The following OR1J2 variants were observed in gnomAD, a reference collection of about 807,000 sequenced individuals.
The protein encoded by OR1J2 is olfactory receptor family 1 subfamily J member 2, also known as olfactory receptor 1J2.
For missense variants in OR1J2, 304 were observed against 246.1 expected, an observed-to-expected ratio of 1.24 and a Z score of -1.57; for synonymous variants, 142 against 99.7, an observed-to-expected ratio of 1.42 and a Z score of -2.52.
chr9:122,503,458 C>T, the OR1J2 span, among the ~76,000 whole-genome samples: 2 of 152,170 alleles, frequency 1.3e-5, no homozygotes, highest in Admixed American at 6.5e-5. Flanking sequence ...TGGACTCATG[C>T]ATAGCCTCTA....
the OR1J2 span, among the ~76,000 whole-genome samples, chr9:122,524,663 G>A: frequency 6.6e-6 from 1 of 152,182 alleles, no homozygotes; most frequent in South Asian, 2.1e-4. Context: ...TCAGTGAGTG[G>A]ATTGAGGGTC....
the OR1J2 span, among the ~76,000 whole-genome samples, chr9:122,505,796 C>T: frequency 6.5e-4 from 99 of 151,736 alleles, no homozygotes; most frequent in African/African-American, 2.2e-3. Context: ...CTAGATTTTG[C>T]GTGTCAACTT....
chr9:122,473,033 C>G, the OR1J2 span, among the ~76,000 whole-genome samples: 3 of 152,012 alleles, frequency 2.0e-5, no homozygotes, highest in Non-Finnish European at 2.9e-5. Context: ...TTCTATATAC[C>G]CTTTCCTTAT....
the OR1J2 span, among the ~76,000 whole-genome samples, chr9:122,552,413 A>G: frequency 6.6e-6 from 1 of 152,208 alleles, no homozygotes; most frequent in African/African-American, 2.4e-5. Flanking sequence ...GTGAAGGCAC[A>G]GGTGAACTAA....
At chr9:122,481,089 C>T in the OR1J2 span, among the ~76,000 whole-genome samples, 833 of 152,242 alleles carry the variant, frequency 5.5e-3, 7 homozygotes, top group Non-Finnish European at 8.8e-3. Flanking sequence ...CCACTGCGCC[C>T]GGCCCCATCC....
At chr9:122,540,640 C>A in the OR1J2 span, among the ~76,000 whole-genome samples, 1 of 152,070 alleles carries the variant, frequency 6.6e-6, no homozygotes, top group African/African-American at 2.4e-5. Context: ...TAGTTTTTTC[C>A]AATTCTGTGC....
At chr9:122,561,649 A>G in the OR1J2 span, among the ~76,000 whole-genome samples, 88,276 of 151,600 alleles carry the variant, frequency 0.58, 26,176 homozygotes, top group East Asian at 0.97. Context: ...CATCTGGTTC[A>G]CTCCTGCACC....
At chr9:122,573,130 C>T in the OR1J2 span, among the ~76,000 whole-genome samples, 2 of 152,188 alleles carry the variant, frequency 1.3e-5, no homozygotes, top group Non-Finnish European at 2.9e-5. Context: ...GAGTTCTGCC[C>T]TCCTGGCCTC....
chr9:122,452,194 G>A, the OR1J2 span, among the ~76,000 whole-genome samples: 3 of 151,994 alleles, frequency 2.0e-5, no homozygotes, highest in Admixed American at 2.0e-4. Flanking sequence ...ATAAGTATTA[G>A]AGTAACTCAG....
chr9:122,493,187 G>C, the OR1J2 span, among the ~76,000 whole-genome samples: 347 of 152,086 alleles, frequency 2.3e-3, no homozygotes, highest in African/African-American at 8.0e-3. Flanking sequence ...TCTTTCCCTG[G>C]TTTTGGTATT....
the OR1J2 span, among the ~76,000 whole-genome samples, chr9:122,569,764 T>G: frequency 3.3e-5 from 5 of 152,194 alleles, no homozygotes; most frequent in African/African-American, 7.2e-5. Context: ...GTGCCATGCT[T>G]GTGTGCTGCA....
At chr9:122,519,826 C>T in the OR1J2 span, 4 of 1,614,112 alleles carry the variant, frequency 2.5e-6, no homozygotes, top group Admixed American at 3.3e-5. Context: ...CTCAAGGCTC[C>T]ATCTACTAAG....
chr9:122,553,435 G>A, the OR1J2 span: 1 of 1,614,046 alleles, frequency 6.2e-7, no homozygotes, highest in South Asian at 1.1e-5. Flanking sequence ...ACTGATGCCT[G>A]TTTCACTTCT....
chr9:122,525,260 A>C, the OR1J2 span, among the ~76,000 whole-genome samples: 1 of 152,174 alleles, frequency 6.6e-6, no homozygotes, highest in African/African-American at 2.4e-5. Context: ...ATTTGTACTT[A>C]CTAATAGCTG....
chr9:122,527,279 G>A, the OR1J2 span: 1 of 1,607,324 alleles, frequency 6.2e-7, no homozygotes, highest in African/African-American at 1.3e-5. Context: ...CAGAAATGCT[G>A]GATTGGTTTT....
chr9:122,455,966 ATGGT>A, the OR1J2 span, among the ~76,000 whole-genome samples: 1 of 152,204 alleles, frequency 6.6e-6, no homozygotes. Context: ...TCTCCATTGA[ATGGT>A]CTTAGCACCC....
At chr9:122,560,975 G>A in the OR1J2 span, among the ~76,000 whole-genome samples, 3 of 152,242 alleles carry the variant, frequency 2.0e-5, no homozygotes, top group East Asian at 5.8e-4. Flanking sequence ...ATCAATCATA[G>A]GTTCTGCCTT....
chr9:122,480,122 C>A, the OR1J2 span, among the ~76,000 whole-genome samples: 2 of 151,676 alleles, frequency 1.3e-5, no homozygotes, highest in South Asian at 2.1e-4. Flanking sequence ...AAAGAGAGGG[C>A]AGGGATTCAC....
the OR1J2 span, among the ~76,000 whole-genome samples, chr9:122,471,203 G>A: frequency 6.6e-6 from 1 of 152,188 alleles, no homozygotes; most frequent in African/African-American, 2.4e-5. Flanking sequence ...ATTCCCATGT[G>A]TTGTGAGAGG....
Sources: gnomAD v4.1 joint callset for allele counts (sites outside exome capture counted in the v4.1 genomes callset) on GRCh38, gnomAD v4.1.1 for gene constraint, MANE v1.5 for transcripts, NCBI Gene and HGNC (gene_info 2026-07-23, HGNC 2026-07-21) for gene names.